The following TMEM132C variants were observed in gnomAD, a reference collection of about 807,000 sequenced individuals.
TMEM132C encodes the protein protein phosphatase 1, regulatory subunit 152.
TMEM132C carries 29 observed loss-of-function variants against 61.4 expected under a neutral mutation model. The observed-to-expected ratio is 0.47, with a 90% CI of 0.35 to 0.64. The LOEUF is 0.64. TMEM132C is among the 30% of genes least tolerant of loss of function. The pLI, the probability that TMEM132C is intolerant of heterozygous loss-of-function variation, is 0.00. For missense variants in TMEM132C, 1,408 were observed against 1,476.9 expected, an observed-to-expected ratio of 0.95 and a Z score of 0.76; for synonymous variants, 656 against 633.1, an observed-to-expected ratio of 1.04 and a Z score of -0.54.
chr12:128,588,915 T>A (rs1875648239), intron 3 of TMEM132C, among the ~76,000 whole-genome samples: 1 of 152,164 alleles, frequency 6.6e-6, no homozygotes, highest in African/African-American at 2.4e-5. Flanking sequence ...GAAGAGAAAG[T>A]CAGGGACTGT....
At chr12:128,520,240 C>A (rs1241272522) in intron 2 of TMEM132C, among the ~76,000 whole-genome samples, 1 of 152,218 alleles carries the variant, frequency 6.6e-6, no homozygotes, top group Non-Finnish European at 1.5e-5. Context: ...CCACGTATCA[C>A]CCCTGCATGC....
At chr12:128,426,798 A>G (rs867616082) in intron 2 of TMEM132C, among the ~76,000 whole-genome samples, 3 of 152,180 alleles carry the variant, frequency 2.0e-5, no homozygotes, top group Admixed American at 6.5e-5. Flanking sequence ...ACATTTAAAC[A>G]TAGAATTGAC....
At chr12:128,695,388 A>G (rs1954752044) in intron 6 of TMEM132C, among the ~76,000 whole-genome samples, 3 of 151,926 alleles carry the variant, frequency 2.0e-5, no homozygotes, top group Admixed American at 2.0e-4. Context: ...GCCAAGCATG[A>G]TAGTCCATGC....
chr12:128,695,785 G>T, intron 6 of TMEM132C, 45 bp from the exon 7 acceptor site: 1 of 1,493,756 alleles, frequency 6.7e-7, no homozygotes. Flanking sequence ...GAACGTCTTA[G>T]ACTCCTCTCC....
intron 1 of TMEM132C, among the ~76,000 whole-genome samples, chr12:128,300,377 G>C (rs1871555627): frequency 6.6e-6 from 1 of 152,162 alleles, no homozygotes; most frequent in Non-Finnish European, 1.5e-5. Flanking sequence ...CTGAAAAGCA[G>C]AGTTCATGGT....
chr12:128,398,180 A>G (rs1376545580), intron 1 of TMEM132C, among the ~76,000 whole-genome samples: 1 of 152,254 alleles, frequency 6.6e-6, no homozygotes, highest in Non-Finnish European at 1.5e-5. Flanking sequence ...AGAAAAGTAC[A>G]GGGGCCTCCA....
chr12:128,410,257 A>C (rs1868488935), intron 1 of TMEM132C, among the ~76,000 whole-genome samples: 1 of 152,160 alleles, frequency 6.6e-6, no homozygotes, highest in Non-Finnish European at 1.5e-5. Flanking sequence ...CAGGTTCCTC[A>C]AATGGTGACA....
Position 128,460,583 on chromosome 12 carries a change from A to T in TMEM132C, c.974+44963A>T, listed in dbSNP as rs565909749. 1.2e-3 allele frequency among the ~76,000 whole-genome samples: 189 copies of T among 152,150 alleles called. 1 individual carries two copies. The highest frequency in any genetic ancestry group is 4.1e-3 in the African/African-American group (171 of 41,512). ...GCCCCAGGCGGTGCCACTCATTGCC[A>T]CCCCACTGAGTAGCAATGGCTACCC... On this transcript the variant is annotated intron_variant, in intron 2 of 8. Coordinates refer to ENST00000435159, the MANE Select transcript of TMEM132C (RefSeq NM_001136103.3).
rs185905567 is a variant in TMEM132C at position 128,414,630 on chromosome 12, C to G, written c.86-102C>G. 2.9e-4 allele frequency: 371 copies of G among 1,282,790 alleles called. 1 individual carries two copies. The Admixed American group carries it at 9.4e-3, about 32-fold the overall frequency. The allele number at this position is 1,282,790 out of a possible 1,614,324, so 79.5% of individuals were successfully genotyped here. The stretch of plus-strand genomic sequence containing the variant: ...TCTAGCCAAGTGGGCTTCAGAATTT[C>G]TATCCCTCATTTCTAAATGGCTTAC... On this transcript the variant is annotated intron_variant, in intron 1 of 8. Coordinates refer to ENST00000435159, the MANE Select transcript of TMEM132C (RefSeq NM_001136103.3).
chr12:128,540,534 G>A (rs1873699969), intron 2 of TMEM132C, among the ~76,000 whole-genome samples: 2 of 152,192 alleles, frequency 1.3e-5, no homozygotes, highest in South Asian at 4.1e-4. Context: ...TTACAGGCAT[G>A]AGCCACCACG....
At chr12:128,488,740 C>T (rs1051575791) in intron 2 of TMEM132C, among the ~76,000 whole-genome samples, 1 of 151,668 alleles carries the variant, frequency 6.6e-6, no homozygotes, top group Admixed American at 6.6e-5. Context: ...GTTTTCTGTT[C>T]CTACAACTAG....
At chr12:128,635,462 C>CTTTTTTTTTTT (rs372811916) in intron 4 of TMEM132C, among the ~76,000 whole-genome samples, 2 of 130,434 alleles carry the variant, frequency 1.5e-5, no homozygotes, top group Non-Finnish European at 1.7e-5. Context: ...TGAGTTTTTT[C>CTTTTTTTTTTT]TTTTTTTTTT....
intron 4 of TMEM132C, among the ~76,000 whole-genome samples, chr12:128,621,541 T>C (rs1311580307): frequency 6.6e-6 from 1 of 152,198 alleles, no homozygotes; most frequent in Non-Finnish European, 1.5e-5. Flanking sequence ...CTCTAGAGCC[T>C]TCAGAGGGAT....
At chr12:128,659,952 TATCTC>T (rs1222198677) in intron 4 of TMEM132C, among the ~76,000 whole-genome samples, 1 of 152,218 alleles carries the variant, frequency 6.6e-6, no homozygotes, top group Non-Finnish European at 1.5e-5. Flanking sequence ...TTGGGGTTCA[TATCTC>T]AGCTCCACCG....
intron 5 of TMEM132C, among the ~76,000 whole-genome samples, chr12:128,686,097 C>T (rs1438113284): frequency 6.7e-6 from 1 of 148,290 alleles, no homozygotes; most frequent in Non-Finnish European, 1.5e-5. Context: ...GTTGTGTGCG[C>T]ATGTGTGTGC....
intron 4 of TMEM132C, among the ~76,000 whole-genome samples, chr12:128,645,995 C>G (rs1954194210): frequency 6.6e-6 from 1 of 151,450 alleles, no homozygotes; most frequent in Admixed American, 6.6e-5. Flanking sequence ...TTACTGGAGT[C>G]CATCAGTGTT....
chr12:128,313,440 G>A (rs945044209), intron 1 of TMEM132C, among the ~76,000 whole-genome samples: 3 of 152,150 alleles, frequency 2.0e-5, no homozygotes, highest in East Asian at 3.9e-4. Context: ...GAGGCAGACC[G>A]GAGGCCCCGC....
At chr12:128,280,704 G>A (rs949310798) in intron 1 of TMEM132C, among the ~76,000 whole-genome samples, 25 of 152,034 alleles carry the variant, frequency 1.6e-4, no homozygotes, top group African/African-American at 6.0e-4. Flanking sequence ...TTATACTGTT[G>A]GCTTCCTTAT....
chr12:128,584,233 C>T (rs1875457436), intron 3 of TMEM132C, among the ~76,000 whole-genome samples: 3 of 152,216 alleles, frequency 2.0e-5, no homozygotes, highest in Non-Finnish European at 4.4e-5. Flanking sequence ...TTGGCCTCTA[C>T]AGGAAATAGT....
Sources: gnomAD v4.1 joint callset for allele counts (sites outside exome capture counted in the v4.1 genomes callset) on GRCh38, gnomAD v4.1.1 for gene constraint, MANE v1.5 for transcripts, NCBI Gene and HGNC (gene_info 2026-07-23, HGNC 2026-07-21) for gene names.